ABR: variants seen among roughly 807,000 people sequenced by gnomAD.
ABR encodes ABR activator of RhoGEF and GTPase, also known as active breakpoint cluster region-related protein.
Under a neutral mutation model 107.2 loss-of-function variants are expected in ABR, and 35 were observed. The observed-to-expected ratio is 0.33, with a 90% CI of 0.25 to 0.43. The LOEUF is 0.43. ABR is among the 20% of genes least tolerant of loss of function. The pLI is 1.00. For synonymous variants in ABR, 498 were observed against 462.0 expected, an observed-to-expected ratio of 1.08 and a Z score of -1.00; for missense variants, 815 against 1,115.2, an observed-to-expected ratio of 0.73 and a Z score of 3.83.
chr17:1,031,649 G>A, intron 16 of ABR: 1 of 1,257,400 alleles, frequency 8.0e-7, no homozygotes, highest in Non-Finnish European at 1.0e-6. Flanking sequence ...GGGCGCCGGT[G>A]TTGGGGGGGC....
rs141757301 is a variant in ABR, at chr17:1,007,246, C to A, written c.2409G>T (p.Thr803=). 2 of 1,613,954 alleles carry A rather than the reference C, an allele frequency of 1.2e-6. No homozygotes were observed. The highest frequency in any genetic ancestry group is 1.3e-5 in the African/African-American group (1 of 74,922). The part of the protein sequence containing the change: ...LHNLATVFGP[T]LLRPSEVESK... ...TCTCCACTTCTGAGGGTCTCAGTAACGTGGGTCCAAACACGGTAGCCAGGT... is the reference window on the plus strand; with the variant it reads ...TCTCCACTTCTGAGGGTCTCAGTAAAGTGGGTCCAAACACGGTAGCCAGGT... The change falls in exon 22 of 23, where the codon ACG becomes ACT. Residue 803 remains threonine, a synonymous_variant. Transcript: ENST00000302538.
chr17:1,102,771 C>T (rs570772234), intron 2 of ABR, among the ~76,000 whole-genome samples: 1 of 152,102 alleles, frequency 6.6e-6, no homozygotes, highest in Non-Finnish European at 1.5e-5. Flanking sequence ...AGTGCAATGG[C>T]ATGATCTCAG....
chr17:1,108,817 C>CGCGGACT, intron 2 of ABR: 6 of 1,333,472 alleles, frequency 4.5e-6, no homozygotes, highest in African/African-American at 1.6e-5. Context: ...CCGGGACCCT[C>CGCGGACT]CGCCGAGGGC....
At position 1,222,494 on chromosome 17, in the gene ABR, C is replaced by G. The variant is rs986621987; in HGVS notation, c.838+6299G>C. 1.1e-4 allele frequency among the ~76,000 whole-genome samples: 16 copies of G among 152,286 alleles called. No individual in the cohort carries two copies. In the East Asian group the frequency reaches 1.9e-3, roughly 18 times the overall value. On this transcript the variant is annotated intron_variant, in intron 1 of 22. Transcript: ENST00000574139. ...CATCCACTGAACACAAGGAATTCTT[C>G]CTAGAGCAACAATCTCATTAGTCAC...
At position 1,027,228 on chromosome 17, in the gene ABR, C is replaced by T. The variant is rs1159719111; in HGVS notation, c.1792-14064G>A. ...CCAGAGCCATCCAAAAGCTGGGGCA[C>T]CGCGCCCAGCACCGCTGGCTGGCCA... On this transcript the variant is annotated intron_variant, in intron 16 of 22. Coordinates refer to ENST00000302538, the MANE Select transcript of ABR (RefSeq NM_021962.5). This position sits in a 1 kb window ranked among gnomAD's most constrained non-coding sequence, Gnocchi z 4.7. 6.6e-6 allele frequency among the ~76,000 whole-genome samples: 1 copy of T among 152,186 alleles called. No individual in the cohort carries two copies. Among genetic ancestry groups the T allele is most frequent in the Non-Finnish European group, 1.5e-5 (1 of 68,030 alleles).
intron 1 of ABR, among the ~76,000 whole-genome samples, chr17:1,175,932 A>C (rs1435616226): frequency 2.0e-5 from 3 of 152,070 alleles, no homozygotes; most frequent in African/African-American, 7.2e-5. Context: ...TCTACTAAAA[A>C]CACAAAAAAT....
intron 16 of ABR, among the ~76,000 whole-genome samples, chr17:1,018,301 C>T (rs1286312366): frequency 6.6e-5 from 10 of 152,204 alleles, no homozygotes; most frequent in Non-Finnish European, 1.0e-4. Flanking sequence ...CTCGGCCTCC[C>T]AAAGTGCTGG....
chr17:1,109,086 G>C lies in ABR; in HGVS notation c.247-8351C>G, dbSNP rs748697225. 14 of 1,593,498 alleles carry C rather than the reference G, an allele frequency of 8.8e-6. No homozygotes were observed. In the African/African-American group the frequency reaches 1.8e-4, roughly 20 times the overall value. ...TCCTCCATGGCAGCCGGAGCCCGCG[G>C]AGGGCAGACAGGAAGCGGGGTCCAC... On this transcript the variant is annotated intron_variant, in intron 2 of 22. Transcript: ENST00000302538.
At position 1,050,222 on chromosome 17, in the gene ABR, T is replaced by C. The variant is rs778135154; in HGVS notation, c.1660-41A>G. On this transcript the variant is annotated intron_variant, in intron 15 of 22. Transcript: ENST00000302538. This position sits in a 1 kb window ranked among gnomAD's most constrained non-coding sequence, Gnocchi z 4.6. ...ACAAAGGGCCCTGAACCTCCGAAGC[T>C]GGGAGGCCTGGCTTTCCGGCAGGTG... is the stretch of plus-strand genomic sequence containing the variant. 2.5e-6 allele frequency: 4 copies of C among 1,585,646 alleles called. No homozygotes were observed. The East Asian group carries it at 6.7e-5, about 27-fold the overall frequency.
chr17:1,043,708 G>A (rs1170272973), intron 16 of ABR, among the ~76,000 whole-genome samples: 2 of 152,120 alleles, frequency 1.3e-5, no homozygotes, highest in Non-Finnish European at 1.5e-5. Flanking sequence ...GGCCGGACGC[G>A]GTGGCTCACA....
In ABR at chr17:1,113,277, G is replaced by GGTTTTTTTTTTTTTTT. The variant is rs1416563541; in HGVS notation, c.246+11905_246+11906insAAAAAAAAAAAAAAAC. Among the ~76,000 whole-genome samples, 5 of 88,172 alleles carry GGTTTTTTTTTTTTTTT rather than the reference G, an allele frequency of 5.7e-5. 1 individual carries two copies. Among genetic ancestry groups the GGTTTTTTTTTTTTTTT allele is most frequent in the African/African-American group, 1.0e-4 (2 of 19,730 alleles). 57.8% of individuals were successfully genotyped at this position (88,172 alleles called of 152,430 possible). A position where few individuals can be genotyped will look rare whatever the true frequency, so the allele number is the denominator to read the frequency against. On this transcript the variant is annotated intron_variant, in intron 2 of 22. Transcript: ENST00000302538. The stretch of plus-strand genomic sequence containing the variant: ...GGGATAACATGGAAACACCTATTGC[G>GGTTTTTTTTTTTTTTT]ATTTTTTTTTTTTTTTTTTTTTTTT...
chr17:1,172,953 C>A (rs958333089), intron 1 of ABR, among the ~76,000 whole-genome samples: 3 of 149,208 alleles, frequency 2.0e-5, no homozygotes, highest in African/African-American at 7.4e-5. Context: ...GTAATCCACC[C>A]CCCCCATCAC....
At chr17:1,076,714 C>CGGGGGGGGG (rs376868048) in intron 6 of ABR, among the ~76,000 whole-genome samples, 4 of 42,164 alleles carry the variant, frequency 9.5e-5, no homozygotes, top group African/African-American at 6.9e-4. Context: ...GGCAGGTGCA[C>CGGGGGGGGG]GGGGGGGGTG....
At chr17:1,057,400 C>T (rs1567669151) in intron 12 of ABR, among the ~76,000 whole-genome samples, 2 of 145,566 alleles carry the variant, frequency 1.4e-5, no homozygotes, top group South Asian at 4.5e-4. Context: ...TTTTTTTAAA[C>T]GGAGTCTCAC....
chr17:1,223,318 CA>C, intron 1 of ABR, among the ~76,000 whole-genome samples: 1 of 151,966 alleles, frequency 6.6e-6, no homozygotes, highest in South Asian at 2.1e-4. Context: ...CACACACACA[CA>C]CACACACAGA....
At chr17:1,159,322 AATGC>A in intron 1 of ABR, among the ~76,000 whole-genome samples, 2 of 91,876 alleles carry the variant, frequency 2.2e-5, no homozygotes, top group South Asian at 8.0e-4. Context: ...GGGAAGTAAG[AATGC>A]AGTACTCACG....
At position 1,135,377 on chromosome 17, in the gene ABR, C is replaced by CT. The variant is rs71148437; in HGVS notation, c.62-10011dup. Reference sequence around the variant, plus strand: ...TATTTTTTATTCTTTTTCTTTTTGTCTTTTTTTTTTTTTTTTGAGACAGAG... The same window carrying CT: ...TATTTTTTATTCTTTTTCTTTTTGTCTTTTTTTTTTTTTTTTTGAGACAGAG... On this transcript the variant is annotated intron_variant, in intron 1 of 22. Coordinates refer to ENST00000302538, the MANE Select transcript of ABR (RefSeq NM_021962.5). Among the ~76,000 whole-genome samples the CT allele has an allele frequency of 4.0e-3, 203 of 51,382 alleles. 3 individuals are homozygous for CT. In the East Asian group the frequency reaches 0.048, roughly 12 times the overall value. The allele number at this position is 51,382 out of a possible 152,430, so 33.7% of individuals were successfully genotyped here.
intron 2 of ABR, among the ~76,000 whole-genome samples, chr17:1,106,421 C>A (rs1459759941): frequency 9.2e-6 from 1 of 108,254 alleles, no homozygotes; most frequent in Non-Finnish European, 1.9e-5. Context: ...GACCCTTGGC[C>A]TGCACACACA....
intron 16 of ABR, among the ~76,000 whole-genome samples, chr17:1,040,317 C>T (rs980723870): frequency 2.6e-5 from 4 of 152,218 alleles, no homozygotes; most frequent in African/African-American, 7.2e-5. Flanking sequence ...TCCGGCCCCA[C>T]GTTCTCTGCA....
Sources: gnomAD v4.1 joint callset for allele counts (sites outside exome capture counted in the v4.1 genomes callset) on GRCh38, gnomAD v4.1.1 for gene constraint, Gnocchi (gnomAD v3.1) non-coding constraint, MANE v1.5 for transcripts, NCBI Gene and HGNC (gene_info 2026-07-23, HGNC 2026-07-21) for gene names.